RFX3: variants seen among roughly 807,000 people sequenced by gnomAD.
RFX3 encodes the protein transcription factor RFX3.
Under a neutral mutation model 98.6 loss-of-function variants are expected in RFX3, and 14 were observed. The observed-to-expected ratio is 0.14, with a 90% CI of 0.09 to 0.22. RFX3 has a LOEUF of 0.22. RFX3 is among the 10% of genes least tolerant of loss of function. The pLI is 1.00. For missense variants in RFX3, 639 were observed against 926.9 expected (o/e 0.69, Z 4.03); for synonymous variants, 383 against 328.4 (o/e 1.17, Z -1.80).
intron 1 of RFX3, among the ~76,000 whole-genome samples, chr9:3,501,836 T>A (rs946420892): frequency 2.0e-5 from 3 of 151,866 alleles, no homozygotes; most frequent in African/African-American, 7.3e-5. Flanking sequence ...GAATTACAGA[T>A]GTGAGCCACC....
At chr9:3,309,516 A>C (rs569414482) in intron 4 of RFX3, among the ~76,000 whole-genome samples, 129 of 152,056 alleles carry the variant, frequency 8.5e-4, no homozygotes, top group African/African-American at 2.8e-3. Flanking sequence ...CATCTGTCCA[A>C]AAATCAGCAT....
intron 1 of RFX3, among the ~76,000 whole-genome samples, chr9:3,509,108 A>T (rs1564191251): frequency 6.6e-6 from 1 of 151,940 alleles, no homozygotes; most frequent in Non-Finnish European, 1.5e-5. Context: ...TTAAGAAAAT[A>T]AAAAATCAGA....
intron 1 of RFX3, among the ~76,000 whole-genome samples, chr9:3,441,970 C>T (rs751018521): frequency 2.6e-5 from 4 of 152,076 alleles, no homozygotes; most frequent in Admixed American, 6.6e-5. Context: ...GTGGTCCAGG[C>T]GGGCAGATCA....
intron 5 of RFX3, 38 bp from the exon 6 acceptor site, chr9:3,293,296 A>T: frequency 6.6e-7 from 1 of 1,504,060 alleles, no homozygotes; most frequent in Non-Finnish European, 8.9e-7. Context: ...GACAAATCAC[A>T]TAATTTGCCA....
chr9:3,289,275 A>G (rs561163002), intron 6 of RFX3, among the ~76,000 whole-genome samples: 2 of 152,166 alleles, frequency 1.3e-5, no homozygotes, highest in South Asian at 2.1e-4. Context: ...TGAACCTTAT[A>G]TATATTTGAA....
chr9:3,418,730 G>C (rs535886221), intron 1 of RFX3, among the ~76,000 whole-genome samples: 1 of 151,986 alleles, frequency 6.6e-6, no homozygotes, highest in Non-Finnish European at 1.5e-5. Flanking sequence ...TTTTAAATTA[G>C]GTAACATCAA....
chr9:3,510,389 T>C (rs1005410633), intron 1 of RFX3, among the ~76,000 whole-genome samples: 1 of 152,064 alleles, frequency 6.6e-6, no homozygotes, highest in East Asian at 1.9e-4. Flanking sequence ...GACAGTGTTC[T>C]TCCAAATTAC....
chr9:3,512,260 T>C (rs952860783), intron 1 of RFX3, among the ~76,000 whole-genome samples: 1 of 152,042 alleles, frequency 6.6e-6, no homozygotes, highest in African/African-American at 2.4e-5. Context: ...TTCAAGGTTA[T>C]TTCAATATGC....
chr9:3,271,316 G>A (rs1405980234), intron 9 of RFX3, among the ~76,000 whole-genome samples, 198 bp from the exon 10 acceptor site: 1 of 151,098 alleles, frequency 6.6e-6, no homozygotes, highest in Non-Finnish European at 1.5e-5. Flanking sequence ...AGATAAAGAG[G>A]GGAAAATTCT....
Position 3,270,358 on chromosome 9 carries a change from G to A in RFX3, c.1357+13C>T, listed in dbSNP as rs775072836. ...AGAACAAAAGCATCCGTACTCGTCT[G>A]CATTTAACTTACTAGGAATAGGTCT... On this transcript the variant is annotated intron_variant, in intron 11 of 16. Transcript: ENST00000617270. The A allele has an allele frequency of 8.7e-6, 14 of 1,608,588 alleles. No individual in the cohort carries two copies. In the Admixed American group the frequency reaches 2.0e-4, roughly 23 times the overall value.
intron 4 of RFX3, among the ~76,000 whole-genome samples, chr9:3,317,365 A>C (rs577951288): frequency 3.9e-5 from 6 of 152,364 alleles, no homozygotes; most frequent in Admixed American, 3.9e-4. Flanking sequence ...TGCAAAAATT[A>C]ATTCAAGATG....
intron 13 of RFX3, among the ~76,000 whole-genome samples, chr9:3,261,992 G>T (rs983546174): frequency 5.3e-5 from 8 of 151,954 alleles, no homozygotes; most frequent in Non-Finnish European, 1.2e-4. Flanking sequence ...ATTTAATCAG[G>T]TTTTCTTTAT....
chr9:3,245,954 A>C (rs770924147), intron 15 of RFX3, among the ~76,000 whole-genome samples: 11 of 152,262 alleles, frequency 7.2e-5, no homozygotes, highest in South Asian at 4.2e-4. Flanking sequence ...TGAGAAAACA[A>C]ACTTTTTATT....
Position 3,330,718 on chromosome 9 carries a change from C to T in RFX3, c.216-201G>A, listed in dbSNP as rs527449614. On this transcript the variant is annotated intron_variant, in intron 3 of 16. Transcript: ENST00000617270. ...AAGGGGCCACTCATTTAAATAAGTA[C>T]CTCAACTAGTTTCTGTACTACAGAG... Among the ~76,000 whole-genome samples the T allele has an allele frequency of 1.3e-3, 202 of 152,222 alleles. 1 individual carries two copies. The highest frequency in any genetic ancestry group is 4.7e-3 in the African/African-American group (194 of 41,550).
chr9:3,356,008 T>C (rs899218973), intron 2 of RFX3, among the ~76,000 whole-genome samples: 2 of 151,776 alleles, frequency 1.3e-5, no homozygotes, highest in African/African-American at 2.4e-5. Context: ...TGAAAATATA[T>C]CATAATTTTC....
chr9:3,344,912 T>C, intron 3 of RFX3: 1 of 692,736 alleles, frequency 1.4e-6, no homozygotes, highest in Non-Finnish European at 2.6e-6. Flanking sequence ...TGAAAAACAT[T>C]CACAGTGTGT....
chr9:3,366,738 C>CTTTCTTTCTTTCTTTCT, intron 2 of RFX3, among the ~76,000 whole-genome samples: 1 of 89,664 alleles, frequency 1.1e-5, no homozygotes, highest in East Asian at 2.9e-4. Flanking sequence ...TTCTTTCTTT[C>CTTTCTTTCTTTCTTTCT]TTTCTTTCTT....
intron 1 of RFX3, among the ~76,000 whole-genome samples, chr9:3,396,287 G>A (rs543005613): frequency 1.3e-5 from 2 of 151,862 alleles, no homozygotes; most frequent in African/African-American, 2.4e-5. Flanking sequence ...GAGAACATGC[G>A]GTGTTTGGTT....
chr9:3,415,107 T>A (rs1157767404), intron 1 of RFX3, among the ~76,000 whole-genome samples: 10 of 94,204 alleles, frequency 1.1e-4, no homozygotes, highest in Non-Finnish European at 1.7e-4. Flanking sequence ...CATATATAAG[T>A]ATATATATAT....
Sources: allele counts gnomAD v4.1 joint callset (sites outside exome capture counted in the v4.1 genomes callset), GRCh38; gene constraint gnomAD v4.1.1; transcripts MANE v1.5; gene names NCBI Gene and HGNC (gene_info 2026-07-23, HGNC 2026-07-21).